The following ZBTB7C variants were observed in gnomAD, a reference collection of about 807,000 sequenced individuals.
The protein encoded by ZBTB7C is zinc finger and BTB domain containing 7C.
Under a neutral mutation model 25.7 loss-of-function variants are expected in ZBTB7C, and 8 were observed. The observed-to-expected ratio is 0.31, with a 90% confidence interval of 0.18 to 0.56. The LOEUF (loss-of-function observed/expected upper bound fraction) is 0.56. ZBTB7C is among the 20% of genes least tolerant of loss of function. The pLI is 0.91. For missense variants in ZBTB7C, 824 were observed against 855.2 expected (o/e 0.96, Z 0.46); for synonymous variants, 394 against 369.0 (o/e 1.07, Z -0.78).
At chr18:48,372,151 T>A (rs2145166316) in intron 1 of ZBTB7C, among the ~76,000 whole-genome samples, 2 of 152,302 alleles carry the variant, frequency 1.3e-5, no homozygotes, top group Middle Eastern at 6.8e-3. Flanking sequence ...CTCACCTGGC[T>A]GCAGTCTGAA....
chr18:48,095,079 C>G (rs926011400), intron 3 of ZBTB7C, among the ~76,000 whole-genome samples: 2 of 152,170 alleles, frequency 1.3e-5, no homozygotes, highest in Non-Finnish European at 2.9e-5. Context: ...CCAATTCCCT[C>G]CTGGTAGTAA....
intron 1 of ZBTB7C, among the ~76,000 whole-genome samples, chr18:48,376,279 C>G (rs929176038): frequency 1.3e-5 from 2 of 152,198 alleles, no homozygotes; most frequent in East Asian, 3.8e-4. Context: ...TCATCTACTT[C>G]TAAGTTGGGT....
At chr18:48,387,811 G>T (rs116181591) in intron 1 of ZBTB7C, among the ~76,000 whole-genome samples, 1,769 of 143,564 alleles carry the variant, frequency 0.012, 29 homozygotes, top group African/African-American at 0.044. Flanking sequence ...TGGCTATGCA[G>T]GTTTTTTGTT....
intron 3 of ZBTB7C, among the ~76,000 whole-genome samples, chr18:48,130,592 T>C (rs957036776): frequency 1.3e-5 from 2 of 152,198 alleles, no homozygotes; most frequent in Non-Finnish European, 2.9e-5. Flanking sequence ...AAAGCTGAAC[T>C]TCAGAAACCA....
At chr18:48,184,841 CTG>C (rs1170307377) in intron 3 of ZBTB7C, among the ~76,000 whole-genome samples, 4 of 136,958 alleles carry the variant, frequency 2.9e-5, no homozygotes, top group Middle Eastern at 3.7e-3. Flanking sequence ...CTCTCTCTCT[CTG>C]TCTTTCTCAT....
At chr18:48,100,527 A>G (rs1388691174) in intron 3 of ZBTB7C, among the ~76,000 whole-genome samples, 1 of 152,194 alleles carries the variant, frequency 6.6e-6, no homozygotes, top group Non-Finnish European at 1.5e-5. Flanking sequence ...TCGCCGAGAT[A>G]ATAAGACCAG....
chr18:48,261,102 A>T (rs533739385), intron 2 of ZBTB7C, among the ~76,000 whole-genome samples: 1 of 152,350 alleles, frequency 6.6e-6, no homozygotes, highest in East Asian at 1.9e-4. Context: ...ATTGTAATGA[A>T]GAGTTCCAGG....
intron 3 of ZBTB7C, among the ~76,000 whole-genome samples, chr18:48,106,161 G>A (rs2039019422): frequency 6.6e-6 from 1 of 152,170 alleles, no homozygotes; most frequent in South Asian, 2.1e-4. Flanking sequence ...GCACCACACG[G>A]GGAGGGATTG....
At chr18:48,210,312 C>A (rs2042673436) in intron 2 of ZBTB7C, among the ~76,000 whole-genome samples, 1 of 152,108 alleles carries the variant, frequency 6.6e-6, no homozygotes, top group Non-Finnish European at 1.5e-5. Context: ...AAATTTCACT[C>A]CTAAATATAT....
In ZBTB7C at chr18:48,032,759, A is replaced by T. The variant is rs140517011; in HGVS notation, c.1209-2848T>A. Among the ~76,000 whole-genome samples the T allele has an allele frequency of 3.3e-5, 5 of 152,070 alleles. No homozygotes were observed. In the South Asian group the frequency reaches 1.0e-3, roughly 32 times the overall value. ...CCAGGTAGGTTTTTTTTAAGTCACTATTACACATAATTAGTAGCACTGACC... is the reference window on the plus strand; with the variant it reads ...CCAGGTAGGTTTTTTTTAAGTCACTTTTACACATAATTAGTAGCACTGACC... On this transcript the variant is annotated intron_variant, in intron 4 of 4. Transcript: ENST00000590800.
chr18:48,294,264 G>A (rs932808748), intron 2 of ZBTB7C, among the ~76,000 whole-genome samples: 2 of 152,220 alleles, frequency 1.3e-5, no homozygotes, highest in South Asian at 4.1e-4. Flanking sequence ...GGAGTTGTGG[G>A]AAAGGCGTTG....
intron 3 of ZBTB7C, among the ~76,000 whole-genome samples, chr18:48,133,454 C>T (rs1377291102): frequency 6.6e-6 from 1 of 152,204 alleles, no homozygotes. Context: ...TGAAAGTCAT[C>T]CACTGAAGAT....
At chr18:48,159,988 T>A (rs532620963) in intron 3 of ZBTB7C, among the ~76,000 whole-genome samples, 7 of 152,224 alleles carry the variant, frequency 4.6e-5, no homozygotes, top group Non-Finnish European at 8.8e-5. Context: ...TTTTGCAACC[T>A]GTTCAGATAC....
intron 3 of ZBTB7C, among the ~76,000 whole-genome samples, chr18:48,155,077 T>G (rs989221828): frequency 3.5e-4 from 54 of 152,148 alleles, no homozygotes; most frequent in African/African-American, 1.3e-3. Flanking sequence ...TGGTCCCATG[T>G]AGGCTTGGAA....
chr18:48,095,779 G>A (rs1415844184), intron 3 of ZBTB7C, among the ~76,000 whole-genome samples: 1 of 151,982 alleles, frequency 6.6e-6, no homozygotes, highest in Non-Finnish European at 1.5e-5. Flanking sequence ...GATGAATGAC[G>A]GTCTTGTTGA....
intron 3 of ZBTB7C, among the ~76,000 whole-genome samples, chr18:48,046,444 C>T (rs1294499975): frequency 6.6e-6 from 1 of 152,154 alleles, no homozygotes; most frequent in East Asian, 1.9e-4. Context: ...ATGAAACGAC[C>T]CTTCCACTGT....
intron 2 of ZBTB7C, among the ~76,000 whole-genome samples, chr18:48,241,382 C>T (rs1360173328): frequency 6.6e-6 from 1 of 152,092 alleles, no homozygotes; most frequent in African/African-American, 2.4e-5. Context: ...GAACGCTCTA[C>T]CCAACAACTG....
intron 1 of ZBTB7C, among the ~76,000 whole-genome samples, chr18:48,390,700 C>T (rs1210830741): frequency 1.3e-5 from 2 of 152,226 alleles, no homozygotes; most frequent in Non-Finnish European, 2.9e-5. Flanking sequence ...TGCTGCGTCC[C>T]AGCATCGCCA....
intron 2 of ZBTB7C, among the ~76,000 whole-genome samples, chr18:48,190,185 T>C (rs1021157734): frequency 7.2e-5 from 11 of 152,194 alleles, no homozygotes; most frequent in Admixed American, 3.3e-4. Context: ...ACAAACACTC[T>C]TGCCCCCACC....
Sources: allele counts gnomAD v4.1 joint callset (sites outside exome capture counted in the v4.1 genomes callset), GRCh38; gene constraint gnomAD v4.1.1; transcripts MANE v1.5; gene names NCBI Gene and HGNC (gene_info 2026-07-23, HGNC 2026-07-21).